Variants in ITGA3 observed in about 807,000 individuals in gnomAD.
ITGA3 encodes the protein integrin alpha-3.
A neutral mutation model predicts 131.1 loss-of-function variants in ITGA3; 70 were observed. The ratio of observed to expected loss-of-function variants is 0.53; its 90% confidence interval spans 0.44 to 0.65. The LOEUF is 0.65. ITGA3 is among the 30% of genes least tolerant of loss of function. ITGA3 has a pLI of 0.00. For missense variants in ITGA3, 1,098 were observed against 1,388.6 expected (o/e 0.79, Z 3.33); for synonymous variants, 537 against 571.6 (o/e 0.94, Z 0.86).
chr17:50,068,002 C>G, intron 3 of ITGA3, 54 bp from the exon 4 acceptor site: 1 of 1,605,238 alleles, frequency 6.2e-7, no homozygotes, highest in Non-Finnish European at 8.5e-7. Context: ...AAAGAGACAG[C>G]TGACCCGGGT....
intron 23 of ITGA3, among the ~76,000 whole-genome samples, chr17:50,084,169 T>C (rs1273302590): frequency 7.5e-6 from 1 of 133,578 alleles, no homozygotes; most frequent in Non-Finnish European, 1.5e-5. Flanking sequence ...AAGAGAGAAA[T>C]GTAGTGAGCC....
rs1049871913 is a variant in ITGA3, at chr17:50,064,351, G to C, written c.334+147G>C. ...GCTGGGAAGAGGGTGCCCTAGAGGA[G>C]AGTGGGGCTGGATGGGATTGGTAGA... On this transcript the variant is annotated intron_variant, in intron 2 of 25. Coordinates refer to ENST00000320031, the MANE Select transcript of ITGA3 (RefSeq NM_002204.4). This position sits in a 1 kb window ranked among gnomAD's most constrained non-coding sequence, Gnocchi z 4.4. 9 of 1,182,702 alleles carry C rather than the reference G, an allele frequency of 7.6e-6. No individual in the cohort carries two copies. In the African/African-American group the frequency reaches 9.1e-5, roughly 12 times the overall value. 73.3% of individuals were successfully genotyped at this position (1,182,702 alleles called of 1,614,324 possible).
chr17:50,088,318 C>T lies in ITGA3; in HGVS notation c.3139C>T (p.Leu1047=). ...MKSQPSETER[L]TDDY ...GAGCCAGCCGTCAGAGACAGAGAGG[C>T]TGACCGACGACTACTGAGGGGGCAG... is the stretch of plus-strand genomic sequence containing the variant. The change falls in exon 25 of 26, where the codon CTG becomes TTG. Residue 1047 remains leucine (L), a synonymous_variant. Transcript: ENST00000320031. The T allele has an allele frequency of 6.3e-7, 1 of 1,581,166 alleles. No individual in the cohort carries two copies. Among genetic ancestry groups the T allele is most frequent in the African/African-American group, 1.3e-5 (1 of 74,440 alleles).
rs1247443892 is a variant in ITGA3 at position 50,072,110 on chromosome 17, C to T, written c.1084C>T (p.His362Tyr). Residue 362 changes from histidine (H) to tyrosine (Y), a missense_variant, in exon 7 of 26, where the codon CAT becomes TAT. His to Tyr is a moderately conservative substitution (Grantham distance 83, BLOSUM62 2). Transcript: ENST00000320031. ...SFPAHPSLLL[H>Y]GPSGSAFGLS... ...CCCTGCTCACCCCTCACTCCTTCTT[C>T]ATGGCCCCAGTGGCTCTGCCTTTGG... 1 of 1,614,146 alleles carries T rather than the reference C, an allele frequency of 6.2e-7. No homozygotes were observed. Among genetic ancestry groups the T allele is most frequent in the Admixed American group, 1.7e-5 (1 of 60,026 alleles).
chr17:50,062,222 A>AG (rs886470666), intron 1 of ITGA3, among the ~76,000 whole-genome samples: 3 of 152,156 alleles, frequency 2.0e-5, no homozygotes, highest in Non-Finnish European at 4.4e-5. Flanking sequence ...GCAACCCTGG[A>AG]GGTCAGCAGG....
chr17:50,076,348 G>A lies in ITGA3; in HGVS notation c.1697G>A (p.Arg566His), dbSNP rs777597673. 3.8e-5 allele frequency: 61 copies of A among 1,613,492 alleles called. No homozygotes were observed. Among genetic ancestry groups the A allele is most frequent in the Non-Finnish European group, 4.5e-5 (53 of 1,179,940 alleles). The change falls in exon 13 of 26, where the codon CGC becomes CAC. Residue 566 changes from arginine to histidine, a missense_variant. By Grantham distance (29) the Arg-to-His change is conservative. Transcript: ENST00000320031. Reference protein sequence around the residue: ...LLMDNLRDKLRPIIISMNYSL... With the variant: ...LLMDNLRDKLHPIIISMNYSL... ...CAGGACAACCTCCGTGACAAACTCC[G>A]CCCCATCATCATCTCCATGAACTAC...
rs763849366 is a variant in ITGA3, at chr17:50,064,643, A to G, written c.414+36A>G. ...GCTCAGTGTTGGCTCCTCCACCTCTACCCGGCTCTCCCCTCATCTCCAGAG... is the reference window on the plus strand; with the variant it reads ...GCTCAGTGTTGGCTCCTCCACCTCTGCCCGGCTCTCCCCTCATCTCCAGAG... On this transcript the variant is annotated intron_variant, in intron 3 of 25. Coordinates refer to ENST00000320031, the MANE Select transcript of ITGA3 (RefSeq NM_002204.4). This position sits in a 1 kb window ranked among gnomAD's most constrained non-coding sequence, Gnocchi z 4.4. 6.4e-7 allele frequency: 1 copy of G among 1,559,844 alleles called. No homozygotes were observed. Among genetic ancestry groups the G allele is most frequent in the Non-Finnish European group, 8.8e-7 (1 of 1,142,022 alleles).
rs1909611088 is a variant in ITGA3 at position 50,089,357 on chromosome 17, A to ACCACCACAGGGG, written c.*281_*282insACCACAGGGGCC. On this transcript the variant is annotated 3_prime_UTR_variant, in exon 26 of 26. Transcript: ENST00000320031. The stretch of plus-strand genomic sequence containing the variant: ...CCTCTGACAGTCCACAGGGGCCACC[A>ACCACCACAGGGG]CCTTTGGCTGGTAGCAGCAGGCTCA... The ACCACCACAGGGG allele has an allele frequency of 9.0e-7, 1 of 1,112,698 alleles. No individual in the cohort carries two copies. Among genetic ancestry groups the ACCACCACAGGGG allele is most frequent in the Non-Finnish European group, 1.3e-6 (1 of 774,164 alleles). The allele number at this position is 1,112,698 out of a possible 1,614,324, so 68.9% of individuals were successfully genotyped here.
intron 23 of ITGA3, 42 bp downstream of exon 23, chr17:50,081,450 G>A: frequency 2.1e-6 from 3 of 1,401,550 alleles, no homozygotes; most frequent in Non-Finnish European, 3.0e-6. Flanking sequence ...TCCAGCCAGA[G>A]CTTGAGAGTA....
rs1184379285 is a variant in ITGA3, at chr17:50,089,275, T to C, written c.*197T>C. On this transcript the variant is annotated 3_prime_UTR_variant, in exon 26 of 26. Transcript: ENST00000320031. ...GGACCAATACTACTGACGTCCTCCCTGATCCCACCCCCTCCTCCCCCAGTG... is the reference window on the plus strand; with the variant it reads ...GGACCAATACTACTGACGTCCTCCCCGATCCCACCCCCTCCTCCCCCAGTG... 6.2e-7 allele frequency: 1 copy of C among 1,609,956 alleles called. No homozygotes were observed. Among genetic ancestry groups the C allele is most frequent in the Middle Eastern group, 1.7e-4 (1 of 5,950 alleles).
At chr17:50,088,548 C>T (rs1909571819) in intron 25 of ITGA3, among the ~76,000 whole-genome samples, 182 bp downstream of exon 25, 1 of 152,218 alleles carries the variant, frequency 6.6e-6, no homozygotes, top group Non-Finnish European at 1.5e-5. Context: ...TTTCATCAGC[C>T]TCCCCCTAAG....
rs564397641 is a variant in ITGA3 at position 50,090,201 on chromosome 17, G to A, written c.*1123G>A. 3.1e-5 allele frequency: 14 copies of A among 456,152 alleles called. No individual in the cohort carries two copies. Among genetic ancestry groups the A allele is most frequent in the African/African-American group, 1.6e-4 (8 of 50,184 alleles). The allele number at this position is 456,152 out of a possible 1,614,324, so 28.3% of individuals were successfully genotyped here. A position where few individuals can be genotyped will look rare whatever the true frequency, so the allele number is the denominator to read the frequency against. On this transcript the variant is annotated 3_prime_UTR_variant, in exon 26 of 26. Transcript: ENST00000320031. ...CCCACCCCATCCAGCCAGACCCCAC[G>A]CTGACCATGCGTCAGGGGCCTAGAG...
At position 50,058,021 on chromosome 17, in the gene ITGA3, G is replaced by C. The variant is rs182358501; in HGVS notation, c.206+1376G>C. On this transcript the variant is annotated intron_variant, in intron 1 of 25. Coordinates refer to ENST00000320031, the MANE Select transcript of ITGA3 (RefSeq NM_002204.4). ...ACCATGAGCACAAGTTTCTACATCA[G>C]CTCTTTCTGCCCTAACTGAGAAAAA... Among the ~76,000 whole-genome samples, 40 of 152,300 alleles carry C rather than the reference G, an allele frequency of 2.6e-4. No individual in the cohort carries two copies. In the East Asian group the frequency reaches 7.1e-3, roughly 27 times the overall value.
rs1035928112 is a variant in ITGA3, at chr17:50,090,456, G to A, written c.*1378G>A. 3.2e-5 allele frequency: 8 copies of A among 248,496 alleles called. No individual in the cohort carries two copies. In the East Asian group the frequency reaches 3.2e-4, roughly 10 times the overall value. The allele number at this position is 248,496 out of a possible 1,614,324, so 15.4% of individuals were successfully genotyped here. On this transcript the variant is annotated 3_prime_UTR_variant, in exon 26 of 26. Coordinates refer to ENST00000320031, the MANE Select transcript of ITGA3 (RefSeq NM_002204.4). ...TCTTTGTATATAGGCTTCTCACGGC[G>A]ACCAATAAACAGCTCCCAGTTTGTA...
intron 23 of ITGA3, among the ~76,000 whole-genome samples, chr17:50,083,851 T>C (rs1056822123): frequency 6.6e-6 from 1 of 151,852 alleles, no homozygotes; most frequent in African/African-American, 2.4e-5. Context: ...GCAGCGTACA[T>C]AGGGTGAAAT....
rs1024170777 is a variant in ITGA3, at chr17:50,064,890, G to A, written c.414+283G>A. The stretch of plus-strand genomic sequence containing the variant: ...TGCTCAGCCTTCGTGGGAACAAGCC[G>A]AGGGAGCCGAGGGAACTGCAAGGAG... On this transcript the variant is annotated intron_variant, in intron 3 of 25. Coordinates refer to ENST00000320031, the MANE Select transcript of ITGA3 (RefSeq NM_002204.4). The surrounding 1 kb of genome is among the most constrained non-coding windows in gnomAD (Gnocchi z 4.4). 8 of 319,408 alleles carry A rather than the reference G, an allele frequency of 2.5e-5. No homozygotes were observed. The highest frequency in any genetic ancestry group is 1.3e-4 in the African/African-American group (6 of 45,784). The allele number at this position is 319,408 out of a possible 1,614,324, so 19.8% of individuals were successfully genotyped here.
chr17:50,077,350 C>T (rs769184663), intron 15 of ITGA3, 29 bp from the exon 16 acceptor site: 3 of 1,604,486 alleles, frequency 1.9e-6, no homozygotes, highest in Non-Finnish European at 2.6e-6. Context: ...TTTGACCCGA[C>T]CCTGACCTTA....
chr17:50,072,089 G>T lies in ITGA3; in HGVS notation c.1063G>T (p.Ala355Ser). 6.2e-7 allele frequency: 1 copy of T among 1,614,094 alleles called. No homozygotes were observed. Among genetic ancestry groups the T allele is most frequent in the African/African-American group, 1.3e-5 (1 of 75,030 alleles). ...FMNQAGTSFPAHPSLLLHGPS... is the reference protein window; with the variant it reads ...FMNQAGTSFPSHPSLLLHGPS... ...GAACCAGGCGGGAACCTCCTTCCCT[G>T]CTCACCCCTCACTCCTTCTTCATGG... The change falls in exon 7 of 26, where the codon GCT (alanine) becomes TCT (serine). Residue 355 changes from alanine to serine, a missense_variant. Physicochemically the swap from Ala to Ser is moderately conservative, Grantham distance 99 (BLOSUM62 1). This residue lies in a region of ITGA3 where 356 missense variants were observed against 529.2 expected (regional missense o/e 0.67). Coordinates refer to ENST00000320031, the MANE Select transcript of ITGA3 (RefSeq NM_002204.4).
At chr17:50,087,935 C>A (rs866737634) in intron 24 of ITGA3, 66 bp downstream of exon 24, 1 of 1,483,886 alleles carries the variant, frequency 6.7e-7, no homozygotes, top group South Asian at 1.3e-5. Context: ...CTTCCTCCAA[C>A]CCACGTCTCC....
Sources: allele counts gnomAD v4.1 joint callset (sites outside exome capture counted in the v4.1 genomes callset), GRCh38; gene constraint gnomAD v4.1.1; regional missense constraint gnomAD v4.1.1; non-coding constraint Gnocchi (gnomAD v3.1); transcripts MANE v1.5; gene names NCBI Gene and HGNC (gene_info 2026-07-23, HGNC 2026-07-21).